RARB: variants seen among roughly 807,000 people sequenced by gnomAD.
RARB encodes the protein retinoic acid receptor beta, also known as HBV-activated protein.
Under a neutral mutation model 51.9 loss-of-function variants are expected in RARB, and 17 were observed. That is an observed-to-expected ratio of 0.33 (90% CI 0.22 to 0.49). RARB has a LOEUF of 0.49. Among genes scored for constraint, RARB ranks in the 20% least tolerant of loss-of-function variants. The probability of loss-of-function intolerance (pLI) is 0.99; values close to 1 mark genes in which losing one functional copy is unlikely to be tolerated. For missense variants in RARB, 369 were observed against 550.8 expected (o/e 0.67, Z 3.30); for synonymous variants, 215 against 195.4 (o/e 1.10, Z -0.84).
At chr3:25,009,711 C>T (rs977221202) in intron 2 of RARB, among the ~76,000 whole-genome samples, 3 of 152,078 alleles carry the variant, frequency 2.0e-5, no homozygotes, top group African/African-American at 7.2e-5. Flanking sequence ...CTCACCAGGT[C>T]TCCCTTTCCA....
intron 3 of RARB, among the ~76,000 whole-genome samples, chr3:25,131,448 A>G (rs1699952735): frequency 6.6e-6 from 1 of 151,992 alleles, no homozygotes; most frequent in African/African-American, 2.4e-5. Flanking sequence ...AGGGTTTTAT[A>G]GTCGTATTGT....
At chr3:24,889,920 AAAAG>A (rs1472857666) in intron 2 of RARB, among the ~76,000 whole-genome samples, 6 of 151,944 alleles carry the variant, frequency 3.9e-5, no homozygotes, top group Non-Finnish European at 7.4e-5. Flanking sequence ...AAAAAAAAAA[AAAAG>A]AAAAAGACTC....
intron 3 of RARB, among the ~76,000 whole-genome samples, chr3:25,080,716 A>G (rs1243721976): frequency 6.6e-6 from 1 of 152,110 alleles, no homozygotes; most frequent in African/African-American, 2.4e-5. Flanking sequence ...CATTCTTTGG[A>G]GAAATCTATA....
chr3:25,112,947 G>T (rs147447945), intron 3 of RARB, among the ~76,000 whole-genome samples: 1,882 of 152,154 alleles, frequency 0.012, 35 homozygotes, highest in African/African-American at 0.038. Flanking sequence ...CTGAATTTTC[G>T]GGTATTTTTA....
At chr3:25,544,454 C>G (rs568804044) in intron 3 of RARB, among the ~76,000 whole-genome samples, 1 of 152,286 alleles carries the variant, frequency 6.6e-6, no homozygotes, top group African/African-American at 2.4e-5. Context: ...TTACCCAAGA[C>G]CTAGTTTAGC....
intron 2 of RARB, among the ~76,000 whole-genome samples, chr3:25,041,559 C>T (rs1698115080): frequency 6.6e-6 from 1 of 151,434 alleles, no homozygotes; most frequent in Non-Finnish European, 1.5e-5. Flanking sequence ...AAAGTCTTGC[C>T]ATGTCCTTCT....
At chr3:25,019,374 A>AGG (rs1697579504) in intron 2 of RARB, among the ~76,000 whole-genome samples, 1 of 152,176 alleles carries the variant, frequency 6.6e-6, no homozygotes, top group Non-Finnish European at 1.5e-5. Flanking sequence ...TGATAGACAA[A>AGG]GGGTAGCATG....
At chr3:25,037,180 A>G (rs996215626) in intron 2 of RARB, among the ~76,000 whole-genome samples, 1 of 151,644 alleles carries the variant, frequency 6.6e-6, no homozygotes, top group Admixed American at 6.6e-5. Flanking sequence ...GCTCTGATTG[A>G]CTTTTGTATC....
intron 2 of RARB, among the ~76,000 whole-genome samples, chr3:25,481,284 A>G (rs967244807): frequency 2.0e-5 from 3 of 152,232 alleles, no homozygotes; most frequent in Admixed American, 1.3e-4. Context: ...GTCGGCCACC[A>G]CTGAGCCAAA....
chr3:25,128,290 C>G (rs1294252317), intron 3 of RARB, among the ~76,000 whole-genome samples: 1 of 151,828 alleles, frequency 6.6e-6, no homozygotes, highest in Non-Finnish European at 1.5e-5. Flanking sequence ...CTTCCTAAAC[C>G]TCCTTATTTT....
chr3:25,367,479 A>G (rs9816200), intron 5 of RARB, among the ~76,000 whole-genome samples: 196 of 152,230 alleles, frequency 1.3e-3, no homozygotes, highest in African/African-American at 4.1e-3. Flanking sequence ...CAGGGCCCCA[A>G]TAAATGCTGG....
chr3:25,510,207 T>C (rs1397360534), intron 3 of RARB, among the ~76,000 whole-genome samples: 2 of 152,228 alleles, frequency 1.3e-5, no homozygotes, highest in African/African-American at 2.4e-5. Flanking sequence ...CCATGGGTCT[T>C]AATTCTAATT....
intron 2 of RARB, among the ~76,000 whole-genome samples, chr3:25,015,446 G>A (rs1697488036): frequency 6.6e-6 from 1 of 152,112 alleles, no homozygotes; most frequent in Non-Finnish European, 1.5e-5. Context: ...ATGGAATCCT[G>A]TTGTCTTCAG....
chr3:25,568,944 C>T (rs1700602962), intron 3 of RARB, among the ~76,000 whole-genome samples: 2 of 152,234 alleles, frequency 1.3e-5, no homozygotes, highest in Non-Finnish European at 2.9e-5. Context: ...GAGGTCTGTG[C>T]TGCAGGAGGA....
intron 4 of RARB, among the ~76,000 whole-genome samples, chr3:25,137,759 G>A (rs1426255310): frequency 1.3e-5 from 2 of 151,988 alleles, no homozygotes; most frequent in African/African-American, 4.8e-5. Context: ...TTACCCTGAG[G>A]TCCCATTGGC....
intron 2 of RARB, among the ~76,000 whole-genome samples, chr3:25,469,699 A>G (rs1262177534): frequency 1.3e-5 from 2 of 152,190 alleles, no homozygotes; most frequent in Non-Finnish European, 2.9e-5. Flanking sequence ...GCTCCAGGAT[A>G]TAGAAATGAA....
At chr3:24,902,246 T>C (rs1348471114) in intron 2 of RARB, among the ~76,000 whole-genome samples, 1 of 152,196 alleles carries the variant, frequency 6.6e-6, no homozygotes. Context: ...TTCCAAAATA[T>C]ATTTTTATAT....
At chr3:25,062,192 GAT>G (rs1274480113) in intron 3 of RARB, among the ~76,000 whole-genome samples, 21 of 151,768 alleles carry the variant, frequency 1.4e-4, no homozygotes, top group African/African-American at 4.6e-4. Context: ...ATATTAACTG[GAT>G]ATTCTCAGAA....
intron 3 of RARB, among the ~76,000 whole-genome samples, chr3:25,555,870 T>C (rs1040152693): frequency 1.3e-5 from 2 of 152,188 alleles, no homozygotes; most frequent in African/African-American, 4.8e-5. Flanking sequence ...AGCAGATGTC[T>C]TTTTTATTAA....
Sources: gnomAD v4.1 joint callset for allele counts (sites outside exome capture counted in the v4.1 genomes callset) on GRCh38, gnomAD v4.1.1 for gene constraint, MANE v1.5 for transcripts, NCBI Gene and HGNC (gene_info 2026-07-23, HGNC 2026-07-21) for gene names.